FAM135A: variants seen among roughly 807,000 people sequenced by gnomAD.
FAM135A encodes the protein protein FAM135A.
In FAM135A, 79 loss-of-function variants were observed where a neutral mutation model predicts 146.8. That is an observed-to-expected ratio of 0.54 (90% confidence interval 0.45 to 0.65). FAM135A has a LOEUF of 0.65. Ranked by LOEUF, FAM135A falls within the 30% of genes least tolerant of loss-of-function variation. FAM135A has a pLI of 0.00. For missense variants in FAM135A, 1,623 were observed against 1,758.2 expected, an observed-to-expected ratio of 0.92 and a Z score of 1.38; for synonymous variants, 562 against 603.6, an observed-to-expected ratio of 0.93 and a Z score of 1.01.
chr6:70,522,649 A>C, intron 13 of FAM135A, 63 bp downstream of exon 13: 6 of 1,270,930 alleles, frequency 4.7e-6, no homozygotes, highest in Non-Finnish European at 6.8e-6. Flanking sequence ...TACCTGTCTC[A>C]GAATTTATCA....
In FAM135A at chr6:70,463,320, G is replaced by A. The variant is rs572261751; in HGVS notation, c.157+10749G>A. 1.2e-4 allele frequency among the ~76,000 whole-genome samples: 18 copies of A among 151,516 alleles called. No individual in the cohort carries two copies. The South Asian group carries it at 3.8e-3, about 32-fold the overall frequency. ...GCTGGAGTGCAGTGGTGTGATCATA[G>A]TTCACTATAGCCTTGAACACCTGGG... is the stretch of plus-strand genomic sequence containing the variant. On this transcript the variant is annotated intron_variant, in intron 5 of 21. Coordinates refer to ENST00000418814, the MANE Select transcript of FAM135A (RefSeq NM_001162529.3).
intron 20 of FAM135A, among the ~76,000 whole-genome samples, chr6:70,553,175 G>A (rs945147072): frequency 8.5e-5 from 13 of 152,150 alleles, no homozygotes; most frequent in African/African-American, 3.1e-4. Flanking sequence ...GAGGAGACCA[G>A]CCTGGGGACT....
intron 20 of FAM135A, among the ~76,000 whole-genome samples, chr6:70,539,677 C>T (rs1394330420): frequency 6.6e-6 from 1 of 152,110 alleles, no homozygotes; most frequent in East Asian, 1.9e-4. Context: ...ATATAATGAC[C>T]TCCTGGTTAT....
At chr6:70,468,954 A>G (rs1054674230) in intron 5 of FAM135A, among the ~76,000 whole-genome samples, 1 of 152,268 alleles carries the variant, frequency 6.6e-6, no homozygotes, top group Non-Finnish European at 1.5e-5. Context: ...AGAACACAGG[A>G]ATCAGTTTTC....
chr6:70,544,239 G>GT (rs1004645334), intron 20 of FAM135A, among the ~76,000 whole-genome samples: 4 of 152,252 alleles, frequency 2.6e-5, no homozygotes, highest in African/African-American at 7.2e-5. Context: ...GGGCTTAGGA[G>GT]TTTAAGGCCA....
intron 4 of FAM135A, among the ~76,000 whole-genome samples, chr6:70,449,146 T>C (rs1776484740): frequency 6.6e-6 from 1 of 152,232 alleles, no homozygotes; most frequent in African/African-American, 2.4e-5. Flanking sequence ...AAATTTTTTT[T>C]GACAATTTAA....
intron 16 of FAM135A, 94 bp from the exon 17 acceptor site, chr6:70,533,066 T>TA (rs778547113): frequency 1.5e-5 from 15 of 968,290 alleles, no homozygotes; most frequent in Non-Finnish European, 2.3e-5. Flanking sequence ...GCATAGGCCA[T>TA]AAGCTTGTCT....
At position 70,531,946 on chromosome 6, in the gene FAM135A, G is replaced by A. The variant is rs567628264; in HGVS notation, c.3776-1214G>A. 4.6e-5 allele frequency among the ~76,000 whole-genome samples: 6 copies of A among 129,080 alleles called. No homozygotes were observed. In the South Asian group the frequency reaches 7.5e-4, roughly 16 times the overall value. The allele number at this position is 129,080 out of a possible 152,430, so 84.7% of individuals were successfully genotyped here. A position where few individuals can be genotyped will look rare whatever the true frequency, so the allele number is the denominator to read the frequency against. On this transcript the variant is annotated intron_variant, in intron 16 of 21. Transcript: ENST00000418814. ...AATCTCACTCCGTCAGCAGTGGCAC[G>A]ATCTCGGCTCACTGCAAGCTCCACC...
rs1306157358 is a variant in FAM135A, at chr6:70,482,124, G to C, written c.793G>C (p.Glu265Gln). The change falls in exon 10 of 22, where the codon GAG becomes CAG. Residue 265 changes from glutamate to glutamine, a missense_variant. Glu to Gln is a conservative substitution (Grantham distance 29). Coordinates refer to ENST00000418814, the MANE Select transcript of FAM135A (RefSeq NM_001162529.3). ...CAGCTACTTCATTACAGTAACAGAA[G>C]AGATTCCTTCTTGTCAGAAACTAGA... ...LHSYFITVTEEIPSCQKLELE... is the reference protein window; with the variant it reads ...LHSYFITVTEQIPSCQKLELE... 1 of 1,613,456 alleles carries C rather than the reference G, an allele frequency of 6.2e-7. No homozygotes were observed. Among genetic ancestry groups the C allele is most frequent in the African/African-American group, 1.3e-5 (1 of 74,902 alleles).
At chr6:70,491,815 T>G (rs1420418674) in intron 11 of FAM135A, among the ~76,000 whole-genome samples, 1 of 151,916 alleles carries the variant, frequency 6.6e-6, no homozygotes, top group Non-Finnish European at 1.5e-5. Context: ...TGATAATTGC[T>G]CAAAAGAACA....
chr6:70,537,610 T>C (rs1190835924), intron 19 of FAM135A, among the ~76,000 whole-genome samples: 1 of 152,222 alleles, frequency 6.6e-6, no homozygotes, highest in Non-Finnish European at 1.5e-5. Context: ...CTATCAGTTT[T>C]AACCAATTAA....
intron 14 of FAM135A, 48 bp downstream of exon 14, chr6:70,524,169 G>T (rs375883069): frequency 6.5e-7 from 1 of 1,535,260 alleles, no homozygotes; most frequent in Non-Finnish European, 8.8e-7. Context: ...ATAGTTTTCA[G>T]TATATTCTTC....
At chr6:70,486,353 G>A (rs1784652354) in intron 10 of FAM135A, 2 of 893,644 alleles carry the variant, frequency 2.2e-6, no homozygotes, top group South Asian at 3.7e-5. Flanking sequence ...AATGTGGTAT[G>A]TTTCCACCAT....
chr6:70,479,506 G>A (rs910762214), intron 8 of FAM135A, among the ~76,000 whole-genome samples: 9 of 152,172 alleles, frequency 5.9e-5, no homozygotes, highest in African/African-American at 1.7e-4. Context: ...CTAGAACTTC[G>A]CTGTAAAAGC....
intron 16 of FAM135A, among the ~76,000 whole-genome samples, chr6:70,528,874 C>A (rs1040442222): frequency 9.7e-5 from 11 of 112,944 alleles, no homozygotes. Context: ...GTGTGATTGT[C>A]CCCCTCCCTG....
intron 4 of FAM135A, among the ~76,000 whole-genome samples, chr6:70,439,311 GGA>G (rs1456560740): frequency 6.6e-6 from 1 of 152,124 alleles, no homozygotes; most frequent in Non-Finnish European, 1.5e-5. Context: ...GAGTGTAAGG[GGA>G]GACTATTGTA....
chr6:70,502,871 AT>A, intron 12 of FAM135A, 80 bp downstream of exon 12: 1 of 1,363,600 alleles, frequency 7.3e-7, no homozygotes, highest in Non-Finnish European at 1.0e-6. Flanking sequence ...AACAAACCTG[AT>A]TTTTACCTAT....
intron 11 of FAM135A, among the ~76,000 whole-genome samples, chr6:70,491,839 A>T (rs1433382884): frequency 6.6e-6 from 1 of 151,908 alleles, no homozygotes; most frequent in East Asian, 1.9e-4. Context: ...AACATTTAAA[A>T]ATAATCTTAA....
intron 11 of FAM135A, among the ~76,000 whole-genome samples, chr6:70,491,688 GTATTCTCCT>G (rs1283295314): frequency 6.6e-6 from 1 of 151,824 alleles, no homozygotes; most frequent in Admixed American, 6.6e-5. Flanking sequence ...GTTCAAAAAG[GTATTCTCCT>G]TAGAAAATTA....
Sources: gnomAD v4.1 joint callset for allele counts (sites outside exome capture counted in the v4.1 genomes callset) on GRCh38, gnomAD v4.1.1 for gene constraint, MANE v1.5 for transcripts, NCBI Gene and HGNC (gene_info 2026-07-23, HGNC 2026-07-21) for gene names.